The following SLC44A1 variants were observed in gnomAD, a reference collection of about 807,000 sequenced individuals.
SLC44A1 encodes the protein solute carrier family 44 member 1, also known as choline transporter-like protein 1.
A neutral mutation model predicts 79.3 loss-of-function variants in SLC44A1; 26 were observed. That is an observed-to-expected ratio of 0.33 (90% CI 0.24 to 0.46). The LOEUF (loss-of-function observed/expected upper bound fraction) is 0.46, where lower values mean the gene tolerates loss of function less well. Among genes scored for constraint, SLC44A1 ranks in the 20% least tolerant of loss-of-function variants. SLC44A1 has a pLI of 1.00. For missense variants in SLC44A1, 688 were observed against 798.1 expected (o/e 0.86, Z 1.66); for synonymous variants, 263 against 286.2 (o/e 0.92, Z 0.82).
intron 13 of SLC44A1, among the ~76,000 whole-genome samples, chr9:105,377,683 A>G (rs564936338): frequency 2.3e-4 from 35 of 151,678 alleles, no homozygotes; most frequent in African/African-American, 8.0e-4. Flanking sequence ...AATCGCTTGA[A>G]CCCAGGAGGC....
intron 5 of SLC44A1, among the ~76,000 whole-genome samples, chr9:105,354,704 A>T (rs1827565832): frequency 6.6e-6 from 1 of 152,248 alleles, no homozygotes; most frequent in South Asian, 2.1e-4. Flanking sequence ...CTTTAAAATT[A>T]TATTATTTTA....
chr9:105,392,401 CTCTTTTTTTTTTTTTT>C lies in SLC44A1; in HGVS notation c.*3347_*3362del. On this transcript the variant is annotated 3_prime_UTR_variant, in exon 16 of 16. Coordinates refer to ENST00000374720, the MANE Select transcript of SLC44A1 (RefSeq NM_080546.5). ...TTGTAGAGATGCTCTCTCTCTCTCT[CTCTTTTTTTTTTTTTT>C]TTTTTTTTTTTTTCCGTGAGGGCAT... 3.1e-6 allele frequency: 1 copy of C among 318,878 alleles called. No individual in the cohort carries two copies. Among genetic ancestry groups the C allele is most frequent in the African/African-American group, 3.5e-5 (1 of 28,304 alleles). The allele number at this position is 318,878 out of a possible 1,614,324, so 19.8% of individuals were successfully genotyped here.
At chr9:105,314,056 G>T (rs184413148) in intron 3 of SLC44A1, among the ~76,000 whole-genome samples, 1 of 152,092 alleles carries the variant, frequency 6.6e-6, no homozygotes, top group Non-Finnish European at 1.5e-5. Flanking sequence ...GCACGACTGC[G>T]CCCAGCCTTA....
chr9:105,435,136 G>C (rs1051386663), intron 15 of SLC44A1, among the ~76,000 whole-genome samples: 14 of 150,474 alleles, frequency 9.3e-5, no homozygotes, highest in African/African-American at 3.5e-4. Context: ...AACAAAGCAG[G>C]AGTCTGTTTC....
At position 105,395,597 on chromosome 9, in the gene SLC44A1, G is replaced by T; in HGVS notation, c.*6541G>T. 2 of 985,424 alleles carry T rather than the reference G, an allele frequency of 2.0e-6. No individual in the cohort carries two copies. The highest frequency in any genetic ancestry group is 9.4e-5 in the South Asian group (2 of 21,282). The allele number at this position is 985,424 out of a possible 1,614,324, so 61.0% of individuals were successfully genotyped here. On this transcript the variant is annotated 3_prime_UTR_variant, in exon 16 of 16. Coordinates refer to ENST00000374720, the MANE Select transcript of SLC44A1 (RefSeq NM_080546.5). Reference sequence around the variant, plus strand: ...AAATTCCCATGTTGGATAGAAAAGGGCGTAAGTCCAGTCTAAGTATCTAAA... The same window carrying T: ...AAATTCCCATGTTGGATAGAAAAGGTCGTAAGTCCAGTCTAAGTATCTAAA...
chr9:105,285,524 C>G (rs899758006), intron 1 of SLC44A1, among the ~76,000 whole-genome samples: 2 of 152,182 alleles, frequency 1.3e-5, no homozygotes, highest in Non-Finnish European at 2.9e-5. Context: ...GTGTGAGCAA[C>G]AAGGCTGTTT....
At chr9:105,349,463 C>T (rs142652186) in intron 5 of SLC44A1, among the ~76,000 whole-genome samples, 60 of 152,256 alleles carry the variant, frequency 3.9e-4, no homozygotes, top group African/African-American at 1.4e-3. Context: ...AATATATTTT[C>T]AGCTCATTAA....
In SLC44A1 at chr9:105,244,767, G is replaced by A. The variant is rs1588695178; in HGVS notation, c.-102G>A. ...CGCCGCCGCCGCCTAGCCGTGCGGT[G>A]CCAGGCCGCGCCCTCCCCGGGCGCC... On this transcript the variant is annotated 5_prime_UTR_variant, in exon 1 of 16. Coordinates refer to ENST00000374720, the MANE Select transcript of SLC44A1 (RefSeq NM_080546.5). 1 of 604,476 alleles carries A rather than the reference G, an allele frequency of 1.7e-6. No individual in the cohort carries two copies. The highest frequency in any genetic ancestry group is 2.3e-6 in the Non-Finnish European group (1 of 442,270). 37.4% of individuals were successfully genotyped at this position (604,476 alleles called of 1,614,324 possible).
chr9:105,345,142 C>G (rs560302128), intron 4 of SLC44A1, among the ~76,000 whole-genome samples: 1 of 152,228 alleles, frequency 6.6e-6, no homozygotes, highest in African/African-American at 2.4e-5. Context: ...CTGCATTGTA[C>G]AAAGACCATT....
chr9:105,422,837 T>G (rs1829272399), intron 15 of SLC44A1, among the ~76,000 whole-genome samples: 1 of 152,224 alleles, frequency 6.6e-6, no homozygotes, highest in African/African-American at 2.4e-5. Flanking sequence ...GAATTTTAGC[T>G]TATCTTGTCT....
intron 3 of SLC44A1, among the ~76,000 whole-genome samples, chr9:105,312,598 A>G (rs1831209193): frequency 6.6e-6 from 1 of 152,206 alleles, no homozygotes. Context: ...TTATTAATGC[A>G]TATTGCTGAA....
rs1038424272 is a variant in SLC44A1 at position 105,392,939 on chromosome 9, C to T, written c.*3883C>T. ...TTTTCAATAAGTAAGTTCTTTACTG[C>T]TTTTCTACTGCTACTTTAAAAAAAA... On this transcript the variant is annotated 3_prime_UTR_variant, in exon 16 of 16. Coordinates refer to ENST00000374720, the MANE Select transcript of SLC44A1 (RefSeq NM_080546.5). 1 of 984,806 alleles carries T rather than the reference C, an allele frequency of 1.0e-6. No homozygotes were observed. Among genetic ancestry groups the T allele is most frequent in the African/African-American group, 1.7e-5 (1 of 57,150 alleles). The allele number at this position is 984,806 out of a possible 1,614,324, so 61.0% of individuals were successfully genotyped here.
At chr9:105,429,097 A>C (rs1401183311) in intron 15 of SLC44A1, among the ~76,000 whole-genome samples, 3 of 152,194 alleles carry the variant, frequency 2.0e-5, no homozygotes, top group Non-Finnish European at 4.4e-5. Flanking sequence ...TATGGTCAAA[A>C]AATAAAACAA....
intron 5 of SLC44A1, among the ~76,000 whole-genome samples, chr9:105,349,582 C>T (rs1827341481): frequency 6.6e-6 from 1 of 151,972 alleles, no homozygotes; most frequent in Non-Finnish European, 1.5e-5. Flanking sequence ...GGCCTTAAAC[C>T]AACAGCTACG....
At chr9:105,387,511 T>G (rs1006281532) in intron 15 of SLC44A1, among the ~76,000 whole-genome samples, 1 of 152,110 alleles carries the variant, frequency 6.6e-6, no homozygotes, top group Non-Finnish European at 1.5e-5. Flanking sequence ...TATGGCAACA[T>G]GGAGAAATGA....
At chr9:105,429,638 C>T (rs1054316879) in intron 15 of SLC44A1, among the ~76,000 whole-genome samples, 2 of 152,094 alleles carry the variant, frequency 1.3e-5, no homozygotes, top group African/African-American at 4.8e-5. Context: ...AGTAATTATG[C>T]CTACTGAGGG....
At chr9:105,346,643 T>C (rs574009263) in intron 4 of SLC44A1, among the ~76,000 whole-genome samples, 1 of 152,138 alleles carries the variant, frequency 6.6e-6, no homozygotes, top group Non-Finnish European at 1.5e-5. Context: ...ATTATTGTCA[T>C]GTTTTCTGCA....
At chr9:105,384,582 A>G (rs1248319191) in intron 14 of SLC44A1, among the ~76,000 whole-genome samples, 1 of 152,088 alleles carries the variant, frequency 6.6e-6, no homozygotes, top group Non-Finnish European at 1.5e-5. Flanking sequence ...TAAATTCTGG[A>G]CATTTTCTTA....
chr9:105,385,369 T>C, intron 14 of SLC44A1, 53 bp from the exon 15 acceptor site: 2 of 1,293,276 alleles, frequency 1.5e-6, no homozygotes, highest in African/African-American at 1.5e-5. Flanking sequence ...ATTCATCTAC[T>C]AACAAATCTG....
Sources: allele counts gnomAD v4.1 joint callset (sites outside exome capture counted in the v4.1 genomes callset), GRCh38; gene constraint gnomAD v4.1.1; transcripts MANE v1.5; gene names NCBI Gene and HGNC (gene_info 2026-07-23, HGNC 2026-07-21).